The following OPN3 variants were observed in gnomAD, a reference collection of about 807,000 sequenced individuals.
OPN3 encodes the protein opsin-3.
A neutral mutation model predicts 33.8 loss-of-function variants in OPN3; 29 were observed. The ratio of observed to expected loss-of-function variants is 0.86; its 90% CI spans 0.64 to 1.17. OPN3 has a LOEUF of 1.17. Ranked by LOEUF, OPN3 falls within the 50% of genes most tolerant of loss-of-function variation. The pLI, the probability that OPN3 is intolerant of heterozygous loss-of-function variation, is 0.00. For synonymous variants in OPN3, 216 were observed against 216.1 expected, an observed-to-expected ratio of 1.00 and a Z score of 0.00; for missense variants, 437 against 514.1, an observed-to-expected ratio of 0.85 and a Z score of 1.45.
chr1:241,627,126 T>C (rs921124024), intron 1 of OPN3, among the ~76,000 whole-genome samples: 2 of 152,186 alleles, frequency 1.3e-5, no homozygotes, highest in African/African-American at 4.8e-5. Context: ...AGGTATTATA[T>C]ATAAAGATTT....
chr1:241,633,358 T>C (rs1190848031), intron 1 of OPN3: 1 of 163,752 alleles, frequency 6.1e-6, no homozygotes, highest in East Asian at 1.9e-4. Context: ...ATTTACCATT[T>C]GTGTATGTTT....
chr1:241,623,589 C>T (rs1269663227), intron 1 of OPN3, among the ~76,000 whole-genome samples: 1 of 152,214 alleles, frequency 6.6e-6, no homozygotes, highest in Admixed American at 6.5e-5. Flanking sequence ...AAAACTAAAT[C>T]CATTTGCTTT....
intron 3 of OPN3, 130 bp downstream of exon 3, chr1:241,597,616 C>T: frequency 1.1e-6 from 1 of 881,492 alleles, no homozygotes; most frequent in Non-Finnish European, 1.6e-6. Context: ...TTCCAGATCC[C>T]TTTAATTCCT....
chr1:241,617,540 A>T (rs1311908442), intron 1 of OPN3, among the ~76,000 whole-genome samples: 1 of 152,224 alleles, frequency 6.6e-6, no homozygotes, highest in African/African-American at 2.4e-5. Context: ...CTCTCAAGGG[A>T]GCTCAGGGTT....
chr1:241,594,316 CA>C lies in OPN3; in HGVS notation c.*111del. 1 of 1,220,700 alleles carries C rather than the reference CA, an allele frequency of 8.2e-7. No individual in the cohort carries two copies. The highest frequency in any genetic ancestry group is 1.5e-5 in the South Asian group (1 of 66,978). The allele number at this position is 1,220,700 out of a possible 1,614,324, so 75.6% of individuals were successfully genotyped here. A position where few individuals can be genotyped will look rare whatever the true frequency, so the allele number is the denominator to read the frequency against. On this transcript the variant is annotated 3_prime_UTR_variant, in exon 4 of 4. Transcript: ENST00000366554. ...GGGCAATTCGGATTTCCTGCTGGAC[CA>C]CAAGGTTCTGTTGATATTACATAGA... is the stretch of plus-strand genomic sequence containing the variant.
intron 1 of OPN3, among the ~76,000 whole-genome samples, chr1:241,619,378 C>G (rs1462767151): frequency 6.6e-6 from 1 of 152,184 alleles, no homozygotes; most frequent in Non-Finnish European, 1.5e-5. Flanking sequence ...GCTGAGCCAG[C>G]CCTGAGGAAA....
intron 1 of OPN3, among the ~76,000 whole-genome samples, chr1:241,627,753 T>C (rs1573964038): frequency 6.6e-6 from 1 of 152,148 alleles, no homozygotes; most frequent in East Asian, 1.9e-4. Context: ...TACCTCTTTA[T>C]AATGAAGGTA....
chr1:241,602,009 G>T (rs755820329), intron 2 of OPN3, among the ~76,000 whole-genome samples: 36 of 152,208 alleles, frequency 2.4e-4, no homozygotes, highest in African/African-American at 8.7e-4. Context: ...AATTGACTAC[G>T]AGGATCTGTT....
intron 1 of OPN3, among the ~76,000 whole-genome samples, chr1:241,616,452 C>G (rs1448672381): frequency 6.6e-6 from 1 of 152,136 alleles, no homozygotes; most frequent in South Asian, 2.1e-4. Context: ...GTCCACAACA[C>G]AAACAGACTA....
chr1:241,639,592 G>A (rs1665031748), intron 1 of OPN3, among the ~76,000 whole-genome samples: 1 of 151,874 alleles, frequency 6.6e-6, no homozygotes, highest in Admixed American at 6.6e-5. Flanking sequence ...TAAGAAAGGA[G>A]GCGGGCCGGG....
At chr1:241,639,788 C>A (rs1573971095) in intron 1 of OPN3, 94 bp downstream of exon 1, 1 of 1,072,074 alleles carries the variant, frequency 9.3e-7, no homozygotes, top group South Asian at 1.9e-5. Context: ...GGAAGCGGTG[C>A]GGGGCGGGCT....
chr1:241,605,430 G>T (rs569948973), intron 1 of OPN3, among the ~76,000 whole-genome samples: 1 of 152,268 alleles, frequency 6.6e-6, no homozygotes, highest in Non-Finnish European at 1.5e-5. Flanking sequence ...GGGTCTTCTG[G>T]GCTTGCATGG....
chr1:241,602,208 G>T (rs1329166076), intron 2 of OPN3, among the ~76,000 whole-genome samples: 1 of 152,184 alleles, frequency 6.6e-6, no homozygotes, highest in Non-Finnish European at 1.5e-5. Context: ...GCGCCAGAGA[G>T]TCAGCAACAA....
At position 241,594,711 on chromosome 1, in the gene OPN3, A is replaced by G; in HGVS notation, c.946-20T>C. 6.2e-7 allele frequency: 1 copy of G among 1,605,628 alleles called. No individual in the cohort carries two copies. Among genetic ancestry groups the G allele is most frequent in the East Asian group, 2.2e-5 (1 of 44,758 alleles). On this transcript the variant is annotated intron_variant, in intron 3 of 3. Coordinates refer to ENST00000366554, the MANE Select transcript of OPN3 (RefSeq NM_014322.3). ...TCGAAACTGGGCAGAGAAAAAATAA[A>G]GTGGAATATTAAGTAAAAGTTGGGC...
At chr1:241,622,608 A>C (rs543190635) in intron 1 of OPN3, among the ~76,000 whole-genome samples, 2 of 152,072 alleles carry the variant, frequency 1.3e-5, no homozygotes, top group East Asian at 3.9e-4. Flanking sequence ...ATTCATTAGC[A>C]CTCTTTAGTT....
rs1411875704 is a variant in OPN3, at chr1:241,640,077, G to C, written c.178C>G (p.Leu60Val). 8 of 1,611,140 alleles carry C rather than the reference G, an allele frequency of 5.0e-6. No homozygotes were observed. In the Admixed American group the frequency reaches 1.2e-4, roughly 24 times the overall value. Reference protein sequence around the residue: ...SIGLLGVGNNLLVLVLYYKFQ... With the variant: ...SIGLLGVGNNVLVLVLYYKFQ... ...TTGTAGTAGAGGACGAGCACCAGCA[G>C]GTTGTTGCCGACGCCCAGCAGCCCA... Residue 60 changes from leucine (L) to valine (V), a missense_variant, in exon 1 of 4, where the codon CTG (leucine) becomes GTG (valine). Coordinates refer to ENST00000366554, the MANE Select transcript of OPN3 (RefSeq NM_014322.3).
At chr1:241,609,867 G>A (rs1376349997) in intron 1 of OPN3, among the ~76,000 whole-genome samples, 2 of 152,216 alleles carry the variant, frequency 1.3e-5, no homozygotes, top group African/African-American at 4.8e-5. Context: ...AGTCACTACA[G>A]GGGATGGCGC....
At chr1:241,624,584 G>A (rs145850310) in intron 1 of OPN3, among the ~76,000 whole-genome samples, 280 of 152,326 alleles carry the variant, frequency 1.8e-3, no homozygotes, top group African/African-American at 6.4e-3. Flanking sequence ...TGGCTTGAGC[G>A]TTCCAGTACT....
At chr1:241,628,407 A>C (rs1399453707) in intron 1 of OPN3, among the ~76,000 whole-genome samples, 1 of 152,070 alleles carries the variant, frequency 6.6e-6, no homozygotes, top group Admixed American at 6.6e-5. Context: ...AAATTAAATC[A>C]CCTTGATTTG....
Sources: allele counts gnomAD v4.1 joint callset (sites outside exome capture counted in the v4.1 genomes callset), GRCh38; gene constraint gnomAD v4.1.1; transcripts MANE v1.5; gene names NCBI Gene and HGNC (gene_info 2026-07-23, HGNC 2026-07-21).